The following ANKS3 variants were observed in gnomAD, a reference collection of about 807,000 sequenced individuals.
The protein encoded by ANKS3 is ankyrin repeat and SAM domain-containing protein 3.
In ANKS3, 62 loss-of-function variants were observed where a neutral mutation model predicts 80.7. The ratio of observed to expected loss-of-function variants is 0.77; its 90% CI spans 0.63 to 0.95. ANKS3 has a LOEUF of 0.95. Ranked by LOEUF, ANKS3 falls within the 40% of genes least tolerant of loss-of-function variation. ANKS3 has a pLI of 0.00. For missense variants in ANKS3, 1,150 were observed against 883.6 expected (o/e 1.30, Z -3.82); for synonymous variants, 489 against 355.3 (o/e 1.38, Z -4.23).
chr16:4,704,496 T>C (rs867927179), intron 8 of ANKS3, among the ~76,000 whole-genome samples: 86 of 151,988 alleles, frequency 5.7e-4, no homozygotes, highest in African/African-American at 2.0e-3. Context: ...CCAACTCCCC[T>C]AAAAAGAAAC....
In ANKS3 at chr16:4,734,038, T is replaced by TG; in HGVS notation, c.-172dup. 1 of 984,434 alleles carries TG rather than the reference T, an allele frequency of 1.0e-6. No homozygotes were observed. Among genetic ancestry groups the TG allele is most frequent in the Non-Finnish European group, 1.2e-6 (1 of 828,990 alleles). The allele number at this position is 984,434 out of a possible 1,614,324, so 61.0% of individuals were successfully genotyped here. On this transcript the variant is annotated 5_prime_UTR_variant, in exon 1 of 18. Transcript: ENST00000304283. ...CCACCACAACCACATAAAGAAAATG[T>TG]GGGGGCTCGGTCCTCCAGTCACGCG...
Position 4,714,348 on chromosome 16 carries a change from C to T in ANKS3, c.574-162G>A, listed in dbSNP as rs703812. 9.8e-3 allele frequency: 10,485 copies of T among 1,066,784 alleles called. 79 individuals are homozygous for T. Among genetic ancestry groups the T allele is most frequent in the South Asian group, 0.014 (844 of 62,518 alleles). 66.1% of individuals were successfully genotyped at this position (1,066,784 alleles called of 1,614,324 possible). ...GAGAAAGAGGCAGGCTTGTCTGCAC[C>T]GCAGCCACAAGTTTTGCTCTCACTC... On this transcript the variant is annotated intron_variant, in intron 6 of 17. Transcript: ENST00000304283.
chr16:4,726,849 G>A lies in ANKS3; in HGVS notation c.370-69C>T. ...GCGTGGGGCGGGCGCCCTCCAGGCGGCCATGCTGCAAGAATCAGAAGTGAT... is the reference window on the plus strand; with the variant it reads ...GCGTGGGGCGGGCGCCCTCCAGGCGACCATGCTGCAAGAATCAGAAGTGAT... On this transcript the variant is annotated intron_variant, in intron 4 of 17. Transcript: ENST00000304283. The A allele has an allele frequency of 3.8e-6, 6 of 1,597,366 alleles. 1 individual carries two copies. Among genetic ancestry groups the A allele is most frequent in the Non-Finnish European group, 5.1e-6 (6 of 1,169,806 alleles).
chr16:4,697,355 C>T lies in ANKS3; in HGVS notation c.1872G>A (p.Leu624=). ...CACCCATCTCACGGACACGGTCCTC[C>T]AGGGCTCCCGAGAGCTCGGGGAGGC... ...AMSLPELSGA[L]EDRVREMGQA... Residue 624 remains leucine (L), a synonymous_variant, in exon 16 of 18, where the codon CTG becomes CTA. Coordinates refer to ENST00000304283, the MANE Select transcript of ANKS3 (RefSeq NM_133450.4). 2 of 1,609,604 alleles carry T rather than the reference C, an allele frequency of 1.2e-6. No individual in the cohort carries two copies. Among genetic ancestry groups the T allele is most frequent in the Admixed American group, 1.7e-5 (1 of 59,702 alleles).
intron 7 of ANKS3, among the ~76,000 whole-genome samples, chr16:4,711,813 A>G (rs1428622992): frequency 6.6e-6 from 1 of 152,102 alleles, no homozygotes; most frequent in Non-Finnish European, 1.5e-5. Flanking sequence ...AGGAAAATAT[A>G]ATTTACCAAA....
In ANKS3 at chr16:4,730,062, C is replaced by T. The variant is rs1204689533; in HGVS notation, c.88G>A (p.Gly30Arg). The T allele has an allele frequency of 4.4e-6, 7 of 1,592,572 alleles. No individual in the cohort carries two copies. The highest frequency in any genetic ancestry group is 2.3e-5 in the East Asian group (1 of 43,012). Residue 30 changes from glycine (G) to arginine (R), a missense_variant, in exon 3 of 18, where the codon GGG (glycine) becomes AGG (arginine). By Grantham distance (125) the Gly-to-Arg change is moderately radical. Coordinates refer to ENST00000304283, the MANE Select transcript of ANKS3 (RefSeq NM_133450.4). Reference sequence around the variant, plus strand: ...TCCAGGGGGACATCCAGCTCCTCCCCGCTGACCTGTGTCCCGAGCCCGTGC... The same window carrying T: ...TCCAGGGGGACATCCAGCTCCTCCCTGCTGACCTGTGTCCCGAGCCCGTGC... ...MWHGLGTQVS[G>R]EELDVPLDLH...
At chr16:4,697,649 C>G (rs2079643069) in intron 15 of ANKS3, among the ~76,000 whole-genome samples, 3 of 152,252 alleles carry the variant, frequency 2.0e-5, no homozygotes, top group Admixed American at 2.0e-4. Flanking sequence ...AGGCAAAGCT[C>G]TGCCGGTGGG....
intron 7 of ANKS3, among the ~76,000 whole-genome samples, chr16:4,710,149 T>C (rs1260159965): frequency 6.6e-6 from 1 of 152,040 alleles, no homozygotes; most frequent in Non-Finnish European, 1.5e-5. Context: ...GTGGGAGAGA[T>C]TGGTCAATAG....
intron 1 of ANKS3, among the ~76,000 whole-genome samples, chr16:4,732,641 T>C (rs1228615092): frequency 7.7e-6 from 1 of 129,242 alleles, no homozygotes; most frequent in Non-Finnish European, 1.5e-5. Flanking sequence ...CTCAAGCCAC[T>C]GCACTCCAGC....
chr16:4,710,624 G>A (rs1029644384), intron 7 of ANKS3, among the ~76,000 whole-genome samples: 2 of 152,016 alleles, frequency 1.3e-5, no homozygotes, highest in Non-Finnish European at 2.9e-5. Flanking sequence ...TAGAAGGATC[G>A]TTTTGAGCCT....
At chr16:4,711,594 T>C (rs1171474711) in intron 7 of ANKS3, among the ~76,000 whole-genome samples, 2 of 151,548 alleles carry the variant, frequency 1.3e-5, no homozygotes, top group East Asian at 4.0e-4. Flanking sequence ...AGCGCATGCC[T>C]GTAATCCCAT....
intron 1 of ANKS3, among the ~76,000 whole-genome samples, chr16:4,732,677 TCAAAAAAAAAAA>T (rs2081696747): frequency 9.5e-5 from 2 of 21,056 alleles, no homozygotes; most frequent in African/African-American, 2.6e-4. Flanking sequence ...AAATTCTGTC[TCAAAAAAAAAAA>T]CAAAAAAAAA....
At position 4,721,424 on chromosome 16, in the gene ANKS3, C is replaced by T. The variant is rs934569694; in HGVS notation, c.573+3326G>A. On this transcript the variant is annotated intron_variant, in intron 6 of 17. Transcript: ENST00000304283. Reference sequence around the variant, plus strand: ...AGGAGTTCAAGACCAGCCTGGGCAACGTGGCAAAACCCCATCTCTACAAAA... The same window carrying T: ...AGGAGTTCAAGACCAGCCTGGGCAATGTGGCAAAACCCCATCTCTACAAAA... 5.3e-5 allele frequency among the ~76,000 whole-genome samples: 8 copies of T among 150,402 alleles called. 1 individual carries two copies. The highest frequency in any genetic ancestry group is 2.0e-4 in the Admixed American group (3 of 15,010).
intron 7 of ANKS3, among the ~76,000 whole-genome samples, chr16:4,708,973 A>G (rs1361036821): frequency 1.3e-5 from 2 of 151,862 alleles, no homozygotes; most frequent in Non-Finnish European, 1.5e-5. Flanking sequence ...AATATTCAAA[A>G]TAAGAAGTGA....
intron 6 of ANKS3, among the ~76,000 whole-genome samples, chr16:4,721,720 C>T (rs2081112526): frequency 6.6e-6 from 1 of 151,150 alleles, no homozygotes. Context: ...CTCATCGCAA[C>T]CTCTGCCTCC....
chr16:4,711,261 G>A lies in ANKS3; in HGVS notation c.709+2790C>T, dbSNP rs552398707. On this transcript the variant is annotated intron_variant, in intron 7 of 17. Transcript: ENST00000304283. ...TGGGATTACAGGCATGCACCACTAC[G>A]CCCAGCTAATTTTATATTTTTAGTA... 1.9e-4 allele frequency among the ~76,000 whole-genome samples: 29 copies of A among 151,294 alleles called. No homozygotes were observed. The East Asian group carries it at 4.8e-3, about 25-fold the overall frequency.
At chr16:4,719,701 A>G (rs956358548) in intron 6 of ANKS3, among the ~76,000 whole-genome samples, 9 of 152,080 alleles carry the variant, frequency 5.9e-5, no homozygotes, top group South Asian at 2.1e-4. Context: ...GAGGAGGCTG[A>G]GGCAGAAGGA....
chr16:4,719,029 T>A (rs139358695), intron 6 of ANKS3, among the ~76,000 whole-genome samples: 63 of 152,242 alleles, frequency 4.1e-4, no homozygotes, highest in African/African-American at 1.4e-3. Context: ...ATTTGGGGAA[T>A]GTGGTAAAGG....
At chr16:4,703,917 G>T (rs1172543220) in intron 8 of ANKS3, among the ~76,000 whole-genome samples, 1 of 152,198 alleles carries the variant, frequency 6.6e-6, no homozygotes, top group Non-Finnish European at 1.5e-5. Flanking sequence ...CAGCTATATA[G>T]ATTAATTACC....
Sources: allele counts gnomAD v4.1 joint callset (sites outside exome capture counted in the v4.1 genomes callset), GRCh38; gene constraint gnomAD v4.1.1; transcripts MANE v1.5; gene names NCBI Gene and HGNC (gene_info 2026-07-23, HGNC 2026-07-21).